Variants in SUCLG2 observed in about 807,000 individuals in gnomAD.
SUCLG2 encodes succinate-CoA ligase GDP-forming subunit beta.
In SUCLG2, 42 loss-of-function variants were observed where a neutral mutation model predicts 47.9. The ratio of observed to expected loss-of-function variants is 0.88; its 90% CI spans 0.69 to 1.14. SUCLG2 has a LOEUF of 1.14. Ranked by LOEUF, SUCLG2 falls within the 50% of genes most tolerant of loss-of-function variation. The pLI is 0.00. For synonymous variants in SUCLG2, 195 were observed against 197.3 expected (o/e 0.99, Z 0.10); for missense variants, 571 against 525.9 (o/e 1.09, Z -0.84).
intron 2 of SUCLG2, among the ~76,000 whole-genome samples, chr3:67,586,233 T>C (rs570576926): frequency 6.6e-6 from 1 of 152,306 alleles, no homozygotes; most frequent in South Asian, 2.1e-4. Flanking sequence ...CAAGTGAGGC[T>C]CCTTCTTTAC....
intron 10 of SUCLG2, among the ~76,000 whole-genome samples, chr3:67,377,574 C>A (rs934271231): frequency 2.0e-5 from 3 of 152,200 alleles, no homozygotes; most frequent in Admixed American, 1.3e-4. Flanking sequence ...TCTTCACACT[C>A]GGTTTTCCTT....
chr3:67,500,894 T>C (rs1705478317), intron 7 of SUCLG2, among the ~76,000 whole-genome samples: 1 of 152,318 alleles, frequency 6.6e-6, no homozygotes, highest in South Asian at 2.1e-4. Flanking sequence ...AAGACTACAG[T>C]TACAAGCTGC....
chr3:67,550,432 C>A (rs549676091), intron 2 of SUCLG2, among the ~76,000 whole-genome samples: 1 of 152,074 alleles, frequency 6.6e-6, no homozygotes, highest in African/African-American at 2.4e-5. Flanking sequence ...CTCGAACTCC[C>A]GGGTTCAAGT....
intron 2 of SUCLG2, among the ~76,000 whole-genome samples, chr3:67,569,586 G>T (rs897227533): frequency 1.3e-5 from 2 of 152,210 alleles, no homozygotes; most frequent in African/African-American, 4.8e-5. Context: ...CTAGGTTTTG[G>T]ACTTGCTTGG....
At chr3:67,615,459 G>A (rs549945466) in intron 1 of SUCLG2, among the ~76,000 whole-genome samples, 3 of 152,140 alleles carry the variant, frequency 2.0e-5, no homozygotes, top group South Asian at 2.1e-4. Context: ...TCTTCAGCTC[G>A]ACTTTGCACA....
chr3:67,458,752 C>T (rs1192121206), intron 9 of SUCLG2, among the ~76,000 whole-genome samples: 5 of 152,178 alleles, frequency 3.3e-5, no homozygotes, highest in South Asian at 4.1e-4. Flanking sequence ...CAGGAAGAGA[C>T]GGCTGAATGC....
intron 9 of SUCLG2, among the ~76,000 whole-genome samples, chr3:67,470,376 G>C (rs1030497711): frequency 2.0e-5 from 3 of 152,116 alleles, no homozygotes; most frequent in Non-Finnish European, 2.9e-5. Context: ...GTCTGTAACT[G>C]CATTTTCTTA....
intron 10 of SUCLG2, among the ~76,000 whole-genome samples, chr3:67,398,724 A>C (rs1702610474): frequency 6.6e-6 from 1 of 152,206 alleles, no homozygotes; most frequent in African/African-American, 2.4e-5. Context: ...ATGCACACAT[A>C]TGTTTATTGC....
intron 2 of SUCLG2, among the ~76,000 whole-genome samples, chr3:67,541,026 A>G (rs1444899458): frequency 6.6e-6 from 1 of 152,242 alleles, no homozygotes; most frequent in Non-Finnish European, 1.5e-5. Context: ...CAACAGGGAC[A>G]TCCACTCAGA....
intron 10 of SUCLG2, among the ~76,000 whole-genome samples, chr3:67,378,530 G>A (rs899637152): frequency 2.0e-4 from 30 of 152,114 alleles, no homozygotes; most frequent in Non-Finnish European, 1.5e-5. Flanking sequence ...ACCATATAAG[G>A]GATCTTGGAA....
chr3:67,639,823 G>A (rs577431424), intron 1 of SUCLG2, among the ~76,000 whole-genome samples: 5 of 152,100 alleles, frequency 3.3e-5, no homozygotes, highest in Admixed American at 6.6e-5. Context: ...CTTTTCTCAG[G>A]ATGTGTGACC....
chr3:67,447,282 C>T (rs111438267), intron 9 of SUCLG2, among the ~76,000 whole-genome samples: 77 of 152,216 alleles, frequency 5.1e-4, no homozygotes, highest in African/African-American at 1.7e-3. Context: ...TAAAGTTGAA[C>T]CCCAACAATG....
chr3:67,643,608 C>A (rs1005190563), intron 1 of SUCLG2, among the ~76,000 whole-genome samples: 2 of 152,160 alleles, frequency 1.3e-5, no homozygotes, highest in Admixed American at 6.5e-5. Context: ...CTTACAGTAT[C>A]CCCAGAGGGC....
intron 2 of SUCLG2, among the ~76,000 whole-genome samples, chr3:67,579,096 A>G (rs1008325591): frequency 4.3e-4 from 65 of 152,346 alleles, no homozygotes; most frequent in Admixed American, 1.6e-3. Context: ...GAATTTCAGT[A>G]TGTTATGTGC....
intron 10 of SUCLG2, among the ~76,000 whole-genome samples, chr3:67,385,051 T>C (rs79391138): frequency 6.6e-6 from 1 of 152,206 alleles, no homozygotes; most frequent in Admixed American, 6.5e-5. Flanking sequence ...AGTCTCGTCC[T>C]GATAGCAATG....
chr3:67,451,020 C>A (rs1272374692), intron 9 of SUCLG2, among the ~76,000 whole-genome samples: 2 of 152,214 alleles, frequency 1.3e-5, no homozygotes, highest in Non-Finnish European at 2.9e-5. Context: ...TCTCATAAAA[C>A]CCTTAAAACA....
chr3:67,386,135 C>T (rs1189574416), intron 10 of SUCLG2, among the ~76,000 whole-genome samples: 2 of 152,180 alleles, frequency 1.3e-5, no homozygotes, highest in African/African-American at 2.4e-5. Context: ...GTCACCCAGA[C>T]TGGAGTGCAG....
chr3:67,514,494 T>G (rs1420783659), intron 6 of SUCLG2, among the ~76,000 whole-genome samples: 1 of 152,140 alleles, frequency 6.6e-6, no homozygotes, highest in African/African-American at 2.4e-5. Context: ...CTTCAAGAGG[T>G]GTTAGTGATC....
At chr3:67,385,012 A>AT (rs1231562982) in intron 10 of SUCLG2, among the ~76,000 whole-genome samples, 3 of 152,232 alleles carry the variant, frequency 2.0e-5, no homozygotes, top group Non-Finnish European at 4.4e-5. Context: ...CTTAGCGTCT[A>AT]TAAGACACTA....
Sources: gnomAD v4.1 joint callset for allele counts (sites outside exome capture counted in the v4.1 genomes callset) on GRCh38, gnomAD v4.1.1 for gene constraint, MANE v1.5 for transcripts, NCBI Gene and HGNC (gene_info 2026-07-23, HGNC 2026-07-21) for gene names.